The following PSG3 variants were observed in gnomAD, a reference collection of about 807,000 sequenced individuals.
PSG3 encodes the protein pregnancy-specific beta-1-glycoprotein 3.
A neutral mutation model predicts 47.5 loss-of-function variants in PSG3; 61 were observed. The observed-to-expected ratio is 1.28, with a 90% CI of 1.05 to 1.59. The LOEUF (loss-of-function observed/expected upper bound fraction) is 1.59. Among genes scored for constraint, PSG3 ranks in the 40% most tolerant of loss-of-function variants. The probability of loss-of-function intolerance (pLI) is 0.00; values close to 1 mark genes in which losing one functional copy is unlikely to be tolerated. For synonymous variants in PSG3, 263 were observed against 198.4 expected, an observed-to-expected ratio of 1.33 and a Z score of -2.74; for missense variants, 756 against 524.0, an observed-to-expected ratio of 1.44 and a Z score of -4.32.
rs1311319374 is a variant in PSG3 at position 42,729,130 on chromosome 19, T to A, written c.1236A>T (p.Lys412Asn). ...ATGCTGGGATCCACTTACCAGAGAC[T>A]TTGACTGTCATGGATTTGGAGCTTT... ...GMESSKSMTV[K>N]VSAPSGTGHL... The change falls in exon 5 of 7, where the codon AAA (lysine) becomes AAT (asparagine). Residue 412 changes from lysine (K) to asparagine (N), a missense_variant. Lys to Asn is a moderately conservative substitution (Grantham distance 94). Coordinates refer to ENST00000327495, the MANE Select transcript of PSG3 (RefSeq NM_021016.4). 2 of 1,613,950 alleles carry A rather than the reference T, an allele frequency of 1.2e-6. No homozygotes were observed. The highest frequency in any genetic ancestry group is 2.2e-5 in the East Asian group (1 of 44,860).
At chr19:42,739,123 G>A (rs773556980) in intron 1 of PSG3, 34 bp from the exon 2 acceptor site, 1 of 1,574,236 alleles carries the variant, frequency 6.4e-7, no homozygotes, top group Admixed American at 1.7e-5. Context: ...TCAATATTGA[G>A]ACCTATGCAT....
intron 5 of PSG3, among the ~76,000 whole-genome samples, chr19:42,725,890 C>CAGAAAAA (rs1969369069): frequency 4.4e-5 from 3 of 68,048 alleles, no homozygotes; most frequent in Non-Finnish European, 8.4e-5. Flanking sequence ...CAACAACAAC[C>CAGAAAAA]AAAAAAAAAA....
rs1477589087 is a variant in PSG3 at position 42,738,730 on chromosome 19, A to C, written c.424T>G (p.Leu142Val). ...RGETGHFTFTLYLETPKPSIS... is the reference protein window; with the variant it reads ...RGETGHFTFTVYLETPKPSIS... ...ATCACGTGGAGTCACTCACGGTATAAGGTGAAGGTGAAATGTCCAGTTTCT... is the reference window on the plus strand; with the variant it reads ...ATCACGTGGAGTCACTCACGGTATACGGTGAAGGTGAAATGTCCAGTTTCT... The change falls in exon 2 of 7, where the codon TTA (leucine) becomes GTA (valine). Residue 142 changes from leucine to valine, a missense_variant. Leu to Val is a conservative substitution (Grantham distance 32). Transcript: ENST00000327495. 1 of 1,613,816 alleles carries C rather than the reference A, an allele frequency of 6.2e-7. No homozygotes were observed. Among genetic ancestry groups the C allele is most frequent in the Admixed American group, 1.7e-5 (1 of 60,012 alleles).
intron 3 of PSG3, among the ~76,000 whole-genome samples, chr19:42,731,500 G>A (rs907488895): frequency 2.6e-5 from 4 of 152,038 alleles, no homozygotes; most frequent in Admixed American, 2.0e-4. Flanking sequence ...GTATATTTTT[G>A]AAGGCCTTGG....
At chr19:42,738,699 C>T in intron 2 of PSG3, 25 bp downstream of exon 2, 1 of 1,612,756 alleles carries the variant, frequency 6.2e-7, no homozygotes, top group Admixed American at 1.7e-5. Flanking sequence ...CCCCCAACAC[C>T]CAGTGATCAC....
chr19:42,739,888 C>G (rs1969639907), intron 1 of PSG3, among the ~76,000 whole-genome samples: 1 of 152,100 alleles, frequency 6.6e-6, no homozygotes, highest in South Asian at 2.1e-4. Flanking sequence ...CCCTGTCCCT[C>G]TTGGGTGTAT....
intron 3 of PSG3, 145 bp downstream of exon 3, chr19:42,732,639 G>A: frequency 6.3e-7 from 1 of 1,579,396 alleles, no homozygotes; most frequent in East Asian, 2.2e-5. Flanking sequence ...ACTCTGGTTT[G>A]CCTGGGGCAG....
chr19:42,736,930 A>T (rs566515291), intron 2 of PSG3, among the ~76,000 whole-genome samples: 160 of 152,236 alleles, frequency 1.1e-3, no homozygotes, highest in African/African-American at 3.7e-3. Flanking sequence ...CTGAACAGTC[A>T]GCCTAGTTAG....
At chr19:42,727,548 A>G (rs1372251463) in intron 5 of PSG3, among the ~76,000 whole-genome samples, 2 of 152,162 alleles carry the variant, frequency 1.3e-5, no homozygotes, top group Non-Finnish European at 2.9e-5. Flanking sequence ...GCAAATCAAA[A>G]CCACATTGTT....
Position 42,729,176 on chromosome 19 carries a change from C to T in PSG3, c.1190G>A (p.Arg397His), listed in dbSNP as rs201016169. The T allele has an allele frequency of 4.7e-5, 76 of 1,613,838 alleles. No homozygotes were observed. Among genetic ancestry groups the T allele is most frequent in the African/African-American group, 2.0e-4 (15 of 74,898 alleles). ...KHSGLYACSV[R>H]NSATGMESSK... ...GCTTTCCATGCCAGTGGCTGAGTTA[C>T]GAACAGAGCAAGCATAGAGCCCGCT... Residue 397 changes from arginine to histidine, a missense_variant, in exon 5 of 7, where the codon CGT becomes CAT. Transcript: ENST00000327495.
intron 5 of PSG3, among the ~76,000 whole-genome samples, chr19:42,724,860 G>A (rs945695181): frequency 6.6e-6 from 1 of 151,010 alleles, no homozygotes; most frequent in Non-Finnish European, 1.5e-5. Flanking sequence ...TGTTTTATGT[G>A]TTACCTCTTT....
chr19:42,735,756 G>A (rs1271198099), intron 2 of PSG3, among the ~76,000 whole-genome samples: 1 of 152,206 alleles, frequency 6.6e-6, no homozygotes, highest in African/African-American at 2.4e-5. Flanking sequence ...CTTGTTATAT[G>A]CCTGACAGGA....
chr19:42,730,881 C>A (rs948991712), intron 3 of PSG3, among the ~76,000 whole-genome samples: 14 of 152,216 alleles, frequency 9.2e-5, no homozygotes, highest in African/African-American at 2.4e-4. Flanking sequence ...GCAAATGCAG[C>A]ACTGACTGGT....
chr19:42,738,621 TA>T, intron 2 of PSG3, 102 bp downstream of exon 2: 1 of 1,602,044 alleles, frequency 6.2e-7, no homozygotes, highest in Non-Finnish European at 8.5e-7. Flanking sequence ...GCATGGGACA[TA>T]ATGCAGAGAG....
intron 2 of PSG3, among the ~76,000 whole-genome samples, chr19:42,737,384 C>G (rs1039194414): frequency 1.3e-5 from 2 of 152,230 alleles, no homozygotes; most frequent in Middle Eastern, 3.4e-3. Flanking sequence ...GTGTGTCTGT[C>G]TCGCTGGGCC....
At chr19:42,735,047 A>G (rs1299717619) in intron 2 of PSG3, among the ~76,000 whole-genome samples, 1 of 152,222 alleles carries the variant, frequency 6.6e-6, no homozygotes, top group Non-Finnish European at 1.5e-5. Flanking sequence ...AAACAGTTGT[A>G]TGTGGCACAG....
intron 2 of PSG3, 72 bp downstream of exon 2, chr19:42,738,652 G>A (rs140145386): frequency 1.2e-5 from 20 of 1,611,626 alleles, no homozygotes; most frequent in Non-Finnish European, 1.5e-5. Context: ...CACAATCCAG[G>A]CCTGACAATC....
chr19:42,729,608 G>A (rs561127148), intron 4 of PSG3, among the ~76,000 whole-genome samples, 170 bp downstream of exon 4: 8 of 152,286 alleles, frequency 5.3e-5, no homozygotes, highest in African/African-American at 1.7e-4. Flanking sequence ...TATATTCTTG[G>A]TTAAGGCTGT....
chr19:42,729,888 C>T lies in PSG3; in HGVS notation c.878G>A (p.Arg293Lys). 6.2e-7 allele frequency: 1 copy of T among 1,612,460 alleles called. No homozygotes were observed. The highest frequency in any genetic ancestry group is 8.5e-7 in the Non-Finnish European group (1 of 1,179,848). Reference sequence around the variant, plus strand: ...CGTGACACTGGGTAGAATGAGGATCCTGTTTTCAATGGGTCGCTTTACCCT... The same window carrying T: ...CGTGACACTGGGTAGAATGAGGATCTTGTTTTCAATGGGTCGCTTTACCCT... ...SPRVKRPIEN[R>K]ILILPSVTRN... is the part of the protein sequence containing the mutation. Residue 293 changes from arginine to lysine, a missense_variant, in exon 4 of 7, where the codon AGG becomes AAG. Physicochemically the swap from Arg to Lys is conservative, Grantham distance 26 (BLOSUM62 2). Transcript: ENST00000327495.
Sources: gnomAD v4.1 joint callset for allele counts (sites outside exome capture counted in the v4.1 genomes callset) on GRCh38, gnomAD v4.1.1 for gene constraint, MANE v1.5 for transcripts, NCBI Gene and HGNC (gene_info 2026-07-23, HGNC 2026-07-21) for gene names.